Variants in KRT80 observed in about 807,000 individuals in gnomAD.
The protein encoded by KRT80 is keratin 80.
In KRT80, 36 loss-of-function variants were observed where a neutral mutation model predicts 51.5. The ratio of observed to expected loss-of-function variants is 0.70; its 90% CI spans 0.54 to 0.92. The LOEUF is 0.92. Among genes scored for constraint, KRT80 ranks in the 40% least tolerant of loss-of-function variants. The pLI, the probability that KRT80 is intolerant of heterozygous loss-of-function variation, is 0.00. For synonymous variants in KRT80, 235 were observed against 248.3 expected (o/e 0.95, Z 0.50); for missense variants, 566 against 591.7 (o/e 0.96, Z 0.45).
rs752595624 is a variant in KRT80, at chr12:52,185,648, G to A, written c.301-61C>T. On this transcript the variant is annotated intron_variant, in intron 1 of 8. Transcript: ENST00000394815. Reference sequence around the variant, plus strand: ...TGGACCAGTCGGGGGCTGAGGCCCCGGGCTGACCAGCAAGAGCCCACGGAG... The same window carrying A: ...TGGACCAGTCGGGGGCTGAGGCCCCAGGCTGACCAGCAAGAGCCCACGGAG... 1.3e-5 allele frequency: 20 copies of A among 1,566,558 alleles called. No homozygotes were observed. In the South Asian group the frequency reaches 1.8e-4, roughly 14 times the overall value.
intron 1 of KRT80, among the ~76,000 whole-genome samples, chr12:52,187,160 G>A (rs574683647): frequency 2.6e-5 from 4 of 152,362 alleles, no homozygotes; most frequent in African/African-American, 7.2e-5. Context: ...CCTGGCTCCC[G>A]TCAGTGTGGG....
rs1363640523 is a variant in KRT80 at position 52,172,094 on chromosome 12, G to A, written c.1178+104C>T. ...AAGCCAAGACTTAAACCCAGGCCTG[G>A]TAGGCTCACTGTATCATATTGGAAA... On this transcript the variant is annotated intron_variant, in intron 7 of 8. Transcript: ENST00000394815. 5 of 1,283,006 alleles carry A rather than the reference G, an allele frequency of 3.9e-6. No homozygotes were observed. In the African/African-American group the frequency reaches 5.9e-5, roughly 15 times the overall value. The allele number at this position is 1,283,006 out of a possible 1,614,324, so 79.5% of individuals were successfully genotyped here.
At chr12:52,180,370 G>A in intron 4 of KRT80, 143 bp downstream of exon 4, 1 of 529,082 alleles carries the variant, frequency 1.9e-6, no homozygotes, top group Non-Finnish European at 3.2e-6. Context: ...AAGGGGTTTA[G>A]GAAATTATTA....
rs1216886318 is a variant in KRT80 at position 52,191,784 on chromosome 12, C to T, written c.119G>A (p.Gly40Asp). 6.2e-7 allele frequency: 1 copy of T among 1,611,064 alleles called. No homozygotes were observed. The highest frequency in any genetic ancestry group is 1.3e-5 in the African/African-American group (1 of 74,922). ...GWDSCRAPGP[G>D]FSSRSLTGCW... ...GCCTGTGAGGCTGCGGGAGCTGAAG[C>T]CCGGCCCGGGGGCCCTGCAGCTGTC... The change falls in exon 1 of 9, where the codon GGC becomes GAC. Residue 40 changes from glycine (G) to aspartate (D), a missense_variant. Gly to Asp is a moderately conservative substitution (Grantham distance 94). Transcript: ENST00000394815.
chr12:52,176,662 G>A (rs986476314), intron 4 of KRT80, among the ~76,000 whole-genome samples: 12 of 152,132 alleles, frequency 7.9e-5, no homozygotes, highest in African/African-American at 2.7e-4. Context: ...TGTATTTTTA[G>A]TAGAGATGGG....
Position 52,191,738 on chromosome 12 carries a change from GA to G in KRT80, c.164del (p.Ile55ThrfsTer4). On this transcript the variant is annotated frameshift_variant, in exon 1 of 9. Transcript: ENST00000394815. LOFTEE classifies it high-confidence loss of function. ...GGCCGGGGTTCACAGTCACCTTGGA[GA>G]TAGTGCCAGCCGACCAGCAGCCTGT... ...SLTGCWSAGT[I>X]SKVTVNPGLL... 1 of 1,613,656 alleles carries G rather than the reference GA, an allele frequency of 6.2e-7. No individual in the cohort carries two copies. The highest frequency in any genetic ancestry group is 8.5e-7 in the Non-Finnish European group (1 of 1,179,924).
chr12:52,171,266 A>T lies in KRT80; in HGVS notation c.*132T>A. On this transcript the variant is annotated 3_prime_UTR_variant, in exon 9 of 9. Coordinates refer to ENST00000394815, the MANE Select transcript of KRT80 (RefSeq NM_182507.3). The stretch of plus-strand genomic sequence containing the variant: ...AGCCCACAAAACACAGTCAGTTTTG[A>T]ACCCCTCTCTCAGTTCAATATCAGG... 5 of 970,584 alleles carry T rather than the reference A, an allele frequency of 5.2e-6. No homozygotes were observed. Among genetic ancestry groups the T allele is most frequent in the Middle Eastern group, 2.7e-4 (1 of 3,656 alleles). 60.1% of individuals were successfully genotyped at this position (970,584 alleles called of 1,614,324 possible). A position where few individuals can be genotyped will look rare whatever the true frequency, so the allele number is the denominator to read the frequency against.
rs1475341059 is a variant in KRT80 at position 52,169,148 on chromosome 12, AAG to A, written c.*2248_*2249del. On this transcript the variant is annotated 3_prime_UTR_variant, in exon 9 of 9. Transcript: ENST00000394815. ...GGAGCAGGCATATCACATGGCGAGA[AAG>A]AGGGGAGAGGTCTCAGACTCTTTTA... The A allele has an allele frequency of 6.6e-6, 1 of 152,156 alleles. No individual in the cohort carries two copies. The highest frequency in any genetic ancestry group is 1.5e-5 in the Non-Finnish European group (1 of 68,042). The allele number at this position is 152,156 out of a possible 1,614,324, so 9.4% of individuals were successfully genotyped here.
chr12:52,185,186 G>A (rs536347800), intron 2 of KRT80, among the ~76,000 whole-genome samples, 193 bp downstream of exon 2: 17 of 152,324 alleles, frequency 1.1e-4, no homozygotes, highest in African/African-American at 4.1e-4. Context: ...GGAGGGGGCG[G>A]CTGTAGGTTC....
At position 52,173,127 on chromosome 12, in the gene KRT80, T is replaced by G; in HGVS notation, c.868A>C (p.Ser290Arg). 15 of 1,612,800 alleles carry G rather than the reference T, an allele frequency of 9.3e-6. No homozygotes were observed. The highest frequency in any genetic ancestry group is 1.3e-5 in the Non-Finnish European group (15 of 1,179,448). Reference protein sequence around the residue: ...EQAARSAEYGSSLQSSRSEIA... With the variant: ...EQAARSAEYGRSLQSSRSEIA... ...TCGCTGCGGCTGCTCTGGAGGCTGCTCCCATACTCGGCCGAGCGGGCGGCC... is the reference window on the plus strand; with the variant it reads ...TCGCTGCGGCTGCTCTGGAGGCTGCGCCCATACTCGGCCGAGCGGGCGGCC... Residue 290 changes from serine (S) to arginine (R), a missense_variant, in exon 6 of 9, where the codon AGC becomes CGC. Physicochemically the swap from Ser to Arg is moderately radical, Grantham distance 110 (BLOSUM62 -1). Transcript: ENST00000394815.
At chr12:52,184,246 G>C (rs1164285065) in intron 2 of KRT80, among the ~76,000 whole-genome samples, 2 of 152,158 alleles carry the variant, frequency 1.3e-5, no homozygotes, top group Admixed American at 1.3e-4. Context: ...GGTTCAGCCT[G>C]CCCTGTCCTC....
rs1941311999 is a variant in KRT80, at chr12:52,180,981, G to A, written c.510-18C>T. The A allele has an allele frequency of 3.3e-6, 5 of 1,515,740 alleles. No individual in the cohort carries two copies. The highest frequency in any genetic ancestry group is 4.4e-6 in the Non-Finnish European group (5 of 1,133,110). The allele number at this position is 1,515,740 out of a possible 1,614,324, so 93.9% of individuals were successfully genotyped here. A position where few individuals can be genotyped will look rare whatever the true frequency, so the allele number is the denominator to read the frequency against. On this transcript the variant is annotated intron_variant, in intron 2 of 8. Coordinates refer to ENST00000394815, the MANE Select transcript of KRT80 (RefSeq NM_182507.3). Reference sequence around the variant, plus strand: ...CCTCATACCTGGGAGGGAGAGAGGGGTTGCTCAGCTGGATATGGTGGGGGC... The same window carrying A: ...CCTCATACCTGGGAGGGAGAGAGGGATTGCTCAGCTGGATATGGTGGGGGC...
At chr12:52,185,989 A>G (rs963198224) in intron 1 of KRT80, among the ~76,000 whole-genome samples, 1 of 152,016 alleles carries the variant, frequency 6.6e-6, no homozygotes, top group African/African-American at 2.4e-5. Flanking sequence ...GTGTGGTCCC[A>G]TCTTGTCCTG....
At chr12:52,191,516 G>A (rs1178031672) in intron 1 of KRT80, 87 bp downstream of exon 1, 14 of 1,339,918 alleles carry the variant, frequency 1.0e-5, no homozygotes, top group Non-Finnish European at 1.4e-5. Context: ...GTGGGGCGCG[G>A]TGATCGATGC....
chr12:52,185,313 C>T, intron 2 of KRT80, 66 bp downstream of exon 2: 1 of 1,456,312 alleles, frequency 6.9e-7, no homozygotes, highest in Non-Finnish European at 9.3e-7. Flanking sequence ...TAAGTGCCTC[C>T]CATCTGAGCA....
chr12:52,177,422 G>A (rs982345578), intron 4 of KRT80, among the ~76,000 whole-genome samples: 3 of 152,192 alleles, frequency 2.0e-5, no homozygotes, highest in African/African-American at 7.2e-5. Flanking sequence ...GAGCCAGAGT[G>A]TAGGGGTCAG....
Position 52,173,890 on chromosome 12 carries a change from G to A in KRT80, c.667-126C>T, listed in dbSNP as rs897900699. The A allele has an allele frequency of 1.0e-5, 10 of 980,072 alleles. No individual in the cohort carries two copies. In the South Asian group the frequency reaches 1.6e-4, roughly 16 times the overall value. The allele number at this position is 980,072 out of a possible 1,614,324, so 60.7% of individuals were successfully genotyped here. The stretch of plus-strand genomic sequence containing the variant: ...GCTGCTCCCTTCCTGTCCCTCTGGA[G>A]AGATGATGGAAGGCCGAATGCCTCC... On this transcript the variant is annotated intron_variant, in intron 4 of 8. Coordinates refer to ENST00000394815, the MANE Select transcript of KRT80 (RefSeq NM_182507.3).
At chr12:52,173,252 G>C in intron 5 of KRT80, 89 bp from the exon 6 acceptor site, 1 of 1,408,326 alleles carries the variant, frequency 7.1e-7, no homozygotes, top group Non-Finnish European at 9.3e-7. Flanking sequence ...GCATCCTCCA[G>C]TCCCATCTCC....
rs755949657 is a variant in KRT80 at position 52,172,242 on chromosome 12, G to A, written c.1134C>T (p.Ile378=). 4 of 1,614,064 alleles carry A rather than the reference G, an allele frequency of 2.5e-6. No homozygotes were observed. Among genetic ancestry groups the A allele is most frequent in the South Asian group, 1.1e-5 (1 of 91,078 alleles). Residue 378 remains isoleucine (I), a synonymous_variant, in exon 7 of 9, where the codon ATC becomes ATT. Coordinates refer to ENST00000394815, the MANE Select transcript of KRT80 (RefSeq NM_182507.3). Reference sequence around the variant, plus strand: ...CCAGCTTCCTGTAGGTGGCGATCTCGATGTCCAGGGCCAGCTTGACGTTCA... The same window carrying A: ...CCAGCTTCCTGTAGGTGGCGATCTCAATGTCCAGGGCCAGCTTGACGTTCA... ...ELMNVKLALD[I]EIATYRKLVE... is the part of the protein sequence containing the mutation.
Sources: allele counts gnomAD v4.1 joint callset (sites outside exome capture counted in the v4.1 genomes callset), GRCh38; gene constraint gnomAD v4.1.1; transcripts MANE v1.5; gene names NCBI Gene and HGNC (gene_info 2026-07-23, HGNC 2026-07-21).